The following KCTD8 variants were observed in gnomAD, a reference collection of about 807,000 sequenced individuals.
KCTD8 encodes the protein potassium channel tetramerization domain containing 8.
A neutral mutation model predicts 31.5 loss-of-function variants in KCTD8; 27 were observed. The observed-to-expected ratio is 0.86, with a 90% CI of 0.63 to 1.18. The LOEUF (loss-of-function observed/expected upper bound fraction) is 1.18. Among genes scored for constraint, KCTD8 ranks in the 50% most tolerant of loss-of-function variants. KCTD8 has a pLI of 0.00. For missense variants in KCTD8, 658 were observed against 647.7 expected (o/e 1.02, Z -0.17); for synonymous variants, 290 against 280.0 (o/e 1.04, Z -0.36).
chr4:44,265,036 C>G (rs2109367746), intron 1 of KCTD8, among the ~76,000 whole-genome samples: 1 of 152,260 alleles, frequency 6.6e-6, no homozygotes, highest in Admixed American at 6.5e-5. Flanking sequence ...TTGAAGAGAG[C>G]AGTGGTTCTC....
chr4:44,340,066 G>T (rs1000240264), intron 1 of KCTD8, among the ~76,000 whole-genome samples: 11 of 152,032 alleles, frequency 7.2e-5, no homozygotes, highest in Non-Finnish European at 1.5e-4. Context: ...TACAAAAAAA[G>T]ACTCTCAGCA....
intron 1 of KCTD8, among the ~76,000 whole-genome samples, chr4:44,387,700 A>C (rs1247342453): frequency 6.6e-6 from 1 of 151,820 alleles, no homozygotes; most frequent in East Asian, 1.9e-4. Flanking sequence ...TCCTTACACC[A>C]TATACAAAAA....
intron 1 of KCTD8, among the ~76,000 whole-genome samples, chr4:44,194,822 T>G (rs1713888698): frequency 1.0e-5 from 1 of 99,598 alleles, no homozygotes; most frequent in Non-Finnish European, 1.9e-5. Context: ...CCTCCCTTCC[T>G]TCCTTCCTTC....
intron 1 of KCTD8, among the ~76,000 whole-genome samples, chr4:44,430,339 T>C (rs184951688): frequency 3.0e-4 from 45 of 151,654 alleles, no homozygotes; most frequent in African/African-American, 1.1e-3. Flanking sequence ...GTCACTGCAG[T>C]TATAAAACTG....
intron 1 of KCTD8, among the ~76,000 whole-genome samples, chr4:44,304,095 T>C (rs1198184542): frequency 1.3e-5 from 2 of 152,134 alleles, no homozygotes; most frequent in Non-Finnish European, 2.9e-5. Context: ...ATTATCCAAC[T>C]TGAGACACCA....
chr4:44,270,711 G>A (rs959833780), intron 1 of KCTD8, among the ~76,000 whole-genome samples: 5 of 152,004 alleles, frequency 3.3e-5, no homozygotes, highest in East Asian at 1.9e-4. Flanking sequence ...CAAATGGGTC[G>A]TTGGCAACCA....
chr4:44,370,667 T>G (rs1719760485), intron 1 of KCTD8, among the ~76,000 whole-genome samples: 1 of 152,184 alleles, frequency 6.6e-6, no homozygotes, highest in Admixed American at 6.5e-5. Context: ...TCAGTCTGGT[T>G]TTTTATAAGC....
chr4:44,385,906 T>C, intron 1 of KCTD8, among the ~76,000 whole-genome samples: 1 of 151,498 alleles, frequency 6.6e-6, no homozygotes. Flanking sequence ...TGAATAGACA[T>C]TTCTCCAAAG....
chr4:44,275,205 T>G (rs1035286836), intron 1 of KCTD8, among the ~76,000 whole-genome samples: 3 of 151,872 alleles, frequency 2.0e-5, no homozygotes, highest in African/African-American at 7.2e-5. Flanking sequence ...CTAGAGATAA[T>G]AGGCATATAA....
At chr4:44,226,880 T>G (rs1294535626) in intron 1 of KCTD8, among the ~76,000 whole-genome samples, 1 of 151,290 alleles carries the variant, frequency 6.6e-6, no homozygotes. Context: ...CACTTTTAGA[T>G]GGAGTTGTTT....
chr4:44,238,219 A>G, intron 1 of KCTD8, among the ~76,000 whole-genome samples: 1 of 151,776 alleles, frequency 6.6e-6, no homozygotes, highest in East Asian at 2.0e-4. Context: ...GTCAACTGCT[A>G]CTCATGAGTC....
intron 1 of KCTD8, among the ~76,000 whole-genome samples, chr4:44,299,591 G>A (rs1717543553): frequency 6.6e-6 from 1 of 151,920 alleles, no homozygotes; most frequent in Non-Finnish European, 1.5e-5. Flanking sequence ...AGCTGGACGT[G>A]GTGGCAAGTG....
At position 44,267,789 on chromosome 4, in the gene KCTD8, T is replaced by C. The variant is rs1188953435; in HGVS notation, c.962-92539A>G. Reference sequence around the variant, plus strand: ...ACCTCTACGCAAATAAACTAGAAAATCTAGAAGAAATGGTAAATCCCTCGA... The same window carrying C: ...ACCTCTACGCAAATAAACTAGAAAACCTAGAAGAAATGGTAAATCCCTCGA... On this transcript the variant is annotated intron_variant, in intron 1 of 1. Coordinates refer to ENST00000360029, the MANE Select transcript of KCTD8 (RefSeq NM_198353.3). Among the ~76,000 whole-genome samples the C allele has an allele frequency of 2.0e-5, 3 of 152,008 alleles. No homozygotes were observed. The South Asian group carries it at 6.2e-4, about 31-fold the overall frequency.
chr4:44,438,107 G>T (rs773263577), intron 1 of KCTD8, among the ~76,000 whole-genome samples: 1 of 152,122 alleles, frequency 6.6e-6, no homozygotes, highest in African/African-American at 2.4e-5. Context: ...GAAGAAAAGA[G>T]ATCAGAATAT....
intron 1 of KCTD8, among the ~76,000 whole-genome samples, chr4:44,414,366 C>T (rs1487319042): frequency 6.6e-6 from 1 of 152,080 alleles, no homozygotes; most frequent in Non-Finnish European, 1.5e-5. Context: ...ATGTAATTCC[C>T]TTTGATCTTC....
intron 1 of KCTD8, among the ~76,000 whole-genome samples, chr4:44,216,695 G>GA (rs200835630): frequency 8.6e-5 from 13 of 151,356 alleles, no homozygotes; most frequent in East Asian, 3.9e-4. Flanking sequence ...AATATCAAAA[G>GA]AAAAAAAAAT....
intron 1 of KCTD8, among the ~76,000 whole-genome samples, chr4:44,350,206 C>T (rs926423079): frequency 1.3e-5 from 2 of 152,138 alleles, no homozygotes; most frequent in African/African-American, 2.4e-5. Flanking sequence ...TATGTTTTAA[C>T]ACTGATACCT....
intron 1 of KCTD8, among the ~76,000 whole-genome samples, chr4:44,312,414 C>T (rs11936828): frequency 0.56 from 85,205 of 151,868 alleles, 24,296 homozygotes; most frequent in African/African-American, 0.67. Context: ...AATGAAGACA[C>T]GATTAATACT....
intron 1 of KCTD8, among the ~76,000 whole-genome samples, chr4:44,378,042 A>G (rs949664841): frequency 2.6e-5 from 4 of 151,842 alleles, no homozygotes; most frequent in Admixed American, 6.6e-5. Flanking sequence ...TTTTTTTATT[A>G]AAAAGAATGT....
Sources: gnomAD v4.1 joint callset for allele counts (sites outside exome capture counted in the v4.1 genomes callset) on GRCh38, gnomAD v4.1.1 for gene constraint, MANE v1.5 for transcripts, NCBI Gene and HGNC (gene_info 2026-07-23, HGNC 2026-07-21) for gene names.